Variants in ADAMTSL1 observed in about 807,000 individuals in gnomAD.
ADAMTSL1 encodes ADAMTS like 1.
ADAMTSL1 carries 126 observed loss-of-function variants against 201.8 expected under a neutral mutation model. The observed-to-expected ratio is 0.62, with a 90% confidence interval of 0.54 to 0.72. ADAMTSL1 has a LOEUF of 0.72. Among genes scored for constraint, ADAMTSL1 ranks in the 30% least tolerant of loss-of-function variants. The pLI, the probability that ADAMTSL1 is intolerant of heterozygous loss-of-function variation, is 0.00. For missense variants in ADAMTSL1, 2,679 were observed against 2,277.8 expected, an observed-to-expected ratio of 1.18 and a Z score of -3.59; for synonymous variants, 1,121 against 903.4, an observed-to-expected ratio of 1.24 and a Z score of -4.32.
intron 15 of ADAMTSL1, among the ~76,000 whole-genome samples, chr9:18,730,846 C>G (rs1005824978): frequency 6.6e-6 from 1 of 152,210 alleles, no homozygotes; most frequent in Non-Finnish European, 1.5e-5. Context: ...CTGCTATTGA[C>G]TCTGGTCACT....
Position 18,753,436 on chromosome 9 carries a change from C to T in ADAMTSL1, c.2145C>T (p.Pro715=). The change falls in exon 16 of 29, where the codon CCC becomes CCT. Residue 715 remains proline (P), a synonymous_variant. Coordinates refer to ENST00000380548, the MANE Select transcript of ADAMTSL1 (RefSeq NM_001040272.6). ...TGGCTGATGAGCTGTGTCGCCAGCC[C>T]AAGCCCAGCACGGTGCAAGCTTGTA... ...VILADELCRQ[P]KPSTVQACNR... 2 of 1,613,574 alleles carry T rather than the reference C, an allele frequency of 1.2e-6. No individual in the cohort carries two copies. Among genetic ancestry groups the T allele is most frequent in the Non-Finnish European group, 1.7e-6 (2 of 1,179,782 alleles).
chr9:18,452,945 G>T (rs1434795983), intron 2 of ADAMTSL1, among the ~76,000 whole-genome samples: 1 of 152,230 alleles, frequency 6.6e-6, no homozygotes, highest in South Asian at 2.1e-4. Context: ...TGGGTCCAGG[G>T]GTGGCCCCAT....
intron 2 of ADAMTSL1, among the ~76,000 whole-genome samples, chr9:18,219,275 C>T (rs1020597857): frequency 7.9e-5 from 12 of 151,798 alleles, no homozygotes; most frequent in East Asian, 3.9e-4. Flanking sequence ...ATAGATTATA[C>T]GGATAACTGC....
At chr9:18,748,320 C>T (rs528970502) in intron 15 of ADAMTSL1, among the ~76,000 whole-genome samples, 1 of 152,274 alleles carries the variant, frequency 6.6e-6, no homozygotes, top group Non-Finnish European at 1.5e-5. Flanking sequence ...ATCCTTTAGC[C>T]AAAACCACTG....
At chr9:18,879,138 T>A (rs375511173) in intron 23 of ADAMTSL1, among the ~76,000 whole-genome samples, 3 of 152,198 alleles carry the variant, frequency 2.0e-5, no homozygotes, top group African/African-American at 7.2e-5. Context: ...CACTTTGCCC[T>A]GGCACTTGGC....
chr9:18,523,620 A>G (rs912077289), intron 2 of ADAMTSL1, among the ~76,000 whole-genome samples: 1 of 146,410 alleles, frequency 6.8e-6, no homozygotes, highest in Non-Finnish European at 1.5e-5. Context: ...ATTTTTGTAT[A>G]AGGTGTAAGG....
chr9:18,683,639 A>G (rs1376825282), intron 12 of ADAMTSL1, among the ~76,000 whole-genome samples: 3 of 152,172 alleles, frequency 2.0e-5, no homozygotes, highest in African/African-American at 7.2e-5. Context: ...GCAGTTTTAT[A>G]TTTCTCACTT....
chr9:18,704,189 AC>A (rs1035049190), intron 13 of ADAMTSL1, among the ~76,000 whole-genome samples: 1 of 152,186 alleles, frequency 6.6e-6, no homozygotes, highest in African/African-American at 2.4e-5. Context: ...TTTTATTGGA[AC>A]ACAGCCACAC....
chr9:18,303,144 G>C (rs991022862), intron 2 of ADAMTSL1, among the ~76,000 whole-genome samples: 1 of 152,160 alleles, frequency 6.6e-6, no homozygotes, highest in African/African-American at 2.4e-5. Context: ...GAAAATAATG[G>C]AAATAGATGC....
intron 23 of ADAMTSL1, among the ~76,000 whole-genome samples, chr9:18,868,655 T>C (rs1827692631): frequency 6.6e-6 from 1 of 152,198 alleles, no homozygotes; most frequent in African/African-American, 2.4e-5. Flanking sequence ...AGCTTCCTGG[T>C]TGCTCTTTGC....
intron 1 of ADAMTSL1, among the ~76,000 whole-genome samples, chr9:18,132,377 A>G (rs1013416934): frequency 6.6e-6 from 1 of 152,136 alleles, no homozygotes; most frequent in African/African-American, 2.4e-5. Context: ...GTGTCCAACC[A>G]TTACTGCTAC....
At chr9:18,906,245 C>G (rs946520855) in intron 27 of ADAMTSL1, among the ~76,000 whole-genome samples, 2 of 152,208 alleles carry the variant, frequency 1.3e-5, no homozygotes, top group East Asian at 1.9e-4. Context: ...GCCCCTCACT[C>G]TTGTTGATCT....
At chr9:18,470,636 G>A (rs1435032285), upstream of ADAMTSL1, among the ~76,000 whole-genome samples, 1 of 152,166 alleles carries the variant, frequency 6.6e-6, no homozygotes, top group African/African-American at 2.4e-5. Context: ...GGCTCAACCT[G>A]AAGAAAGAGA....
intron 2 of ADAMTSL1, among the ~76,000 whole-genome samples, chr9:18,176,007 C>CGAAAAAAAAAAAAAAAAA (rs1491214278): frequency 1.6e-5 from 1 of 62,578 alleles, no homozygotes; most frequent in Non-Finnish European, 2.9e-5. Flanking sequence ...AGAGGGAAAG[C>CGAAAAAAAAAAAAAAAAA]AAAAAAAAAA....
chr9:18,030,188 A>C (rs1397782005), intron 1 of ADAMTSL1, among the ~76,000 whole-genome samples: 1 of 152,256 alleles, frequency 6.6e-6, no homozygotes, highest in African/African-American at 2.4e-5. Context: ...AAAATGTGGC[A>C]CATATACACC....
At chr9:18,276,220 C>T (rs188239022) in intron 2 of ADAMTSL1, among the ~76,000 whole-genome samples, 24 of 151,924 alleles carry the variant, frequency 1.6e-4, no homozygotes, top group East Asian at 1.4e-3. Flanking sequence ...TTAAGTTGAA[C>T]GGCTTCATTA....
At chr9:18,603,378 ATG>A (rs1457319861) in intron 4 of ADAMTSL1, among the ~76,000 whole-genome samples, 7 of 151,690 alleles carry the variant, frequency 4.6e-5, no homozygotes, top group African/African-American at 1.5e-4. Context: ...ATGCTATGCT[ATG>A]CTATGCTATG....
At chr9:18,386,482 A>G (rs1042078778) in intron 2 of ADAMTSL1, among the ~76,000 whole-genome samples, 7 of 152,162 alleles carry the variant, frequency 4.6e-5, no homozygotes, top group African/African-American at 1.7e-4. Context: ...TCTTCATGCA[A>G]AATTTTAAAA....
At chr9:17,972,272 C>G (rs1448257858) in intron 1 of ADAMTSL1, among the ~76,000 whole-genome samples, 2 of 133,228 alleles carry the variant, frequency 1.5e-5, no homozygotes, top group East Asian at 2.4e-4. Context: ...ATTAACTCGT[C>G]ATTTAGCATT....
Sources: allele counts gnomAD v4.1 joint callset (sites outside exome capture counted in the v4.1 genomes callset), GRCh38; gene constraint gnomAD v4.1.1; transcripts MANE v1.5; gene names NCBI Gene and HGNC (gene_info 2026-07-23, HGNC 2026-07-21).